The following DIPK1A variants were observed in gnomAD, a reference collection of about 807,000 sequenced individuals.
DIPK1A encodes family with sequence similarity 69 member A.
A neutral mutation model predicts 40.8 loss-of-function variants in DIPK1A; 27 were observed. That is an observed-to-expected ratio of 0.66 (90% CI 0.49 to 0.91). The LOEUF is 0.91. Ranked by LOEUF, DIPK1A falls within the 40% of genes least tolerant of loss-of-function variation. The probability of loss-of-function intolerance (pLI) is 0.00; values close to 1 mark genes in which losing one functional copy is unlikely to be tolerated. For synonymous variants in DIPK1A, 166 were observed against 171.3 expected, an observed-to-expected ratio of 0.97 and a Z score of 0.24; for missense variants, 412 against 505.7, an observed-to-expected ratio of 0.81 and a Z score of 1.78.
intron 4 of DIPK1A, among the ~76,000 whole-genome samples, chr1:92,845,781 G>A (rs920452999): frequency 6.6e-6 from 1 of 151,582 alleles, no homozygotes; most frequent in African/African-American, 2.4e-5. Flanking sequence ...GTTGCAGTGA[G>A]CTGAGACCAT....
chr1:92,859,141 G>T (rs1688085684), intron 2 of DIPK1A, among the ~76,000 whole-genome samples: 1 of 152,120 alleles, frequency 6.6e-6, no homozygotes, highest in African/African-American at 2.4e-5. Flanking sequence ...ACAATGAACA[G>T]ATGTATACTA....
intron 4 of DIPK1A, among the ~76,000 whole-genome samples, 157 bp from the exon 5 acceptor site, chr1:92,844,352 A>G (rs959767547): frequency 6.6e-6 from 1 of 152,228 alleles, no homozygotes; most frequent in African/African-American, 2.4e-5. Flanking sequence ...AATATTTATG[A>G]TACTTCCTAA....
intron 1 of DIPK1A, among the ~76,000 whole-genome samples, chr1:92,960,194 C>A (rs1652015583): frequency 6.6e-6 from 1 of 151,940 alleles, no homozygotes; most frequent in Non-Finnish European, 1.5e-5. Context: ...CAGTTTTATT[C>A]GTACACGCTT....
At chr1:92,853,724 T>C (rs1440009736) in intron 2 of DIPK1A, among the ~76,000 whole-genome samples, 1 of 152,152 alleles carries the variant, frequency 6.6e-6, no homozygotes, top group African/African-American at 2.4e-5. Context: ...TTTGAACACA[T>C]AAGGTTCAGA....
At chr1:92,935,684 G>T (rs1320778084) in intron 1 of DIPK1A, among the ~76,000 whole-genome samples, 1 of 151,436 alleles carries the variant, frequency 6.6e-6, no homozygotes, top group Non-Finnish European at 1.5e-5. Flanking sequence ...ACAACTCAAG[G>T]ATAAGATCTT....
At chr1:92,941,762 G>A (rs1456583865) in intron 1 of DIPK1A, among the ~76,000 whole-genome samples, 3 of 152,032 alleles carry the variant, frequency 2.0e-5, no homozygotes, top group African/African-American at 4.8e-5. Flanking sequence ...AAACTACATC[G>A]GGAATTCAAA....
chr1:92,928,437 T>A (rs1325412032), intron 1 of DIPK1A, among the ~76,000 whole-genome samples: 1 of 152,198 alleles, frequency 6.6e-6, no homozygotes, highest in African/African-American at 2.4e-5. Context: ...TAATCTATAG[T>A]CTTTCAAATT....
chr1:92,847,371 A>G lies in DIPK1A; in HGVS notation c.298-12T>C. 2 of 1,585,046 alleles carry G rather than the reference A, an allele frequency of 1.3e-6. No individual in the cohort carries two copies. Among genetic ancestry groups the G allele is most frequent in the South Asian group, 1.2e-5 (1 of 86,564 alleles). ...ATCCCTAAATACATCTATGTAAAAA[A>G]GAGTGGCAAGTTATGTATTATACTG... On this transcript the variant is annotated splice_polypyrimidine_tract_variant and intron_variant, in intron 3 of 4. Transcript: ENST00000370310.
At chr1:92,941,321 G>A (rs1651144022) in intron 1 of DIPK1A, among the ~76,000 whole-genome samples, 1 of 152,134 alleles carries the variant, frequency 6.6e-6, no homozygotes, top group Admixed American at 6.5e-5. Flanking sequence ...AAGTCTTGTT[G>A]TAGCAATTAT....
chr1:92,892,811 C>G (rs950374753), intron 1 of DIPK1A, among the ~76,000 whole-genome samples: 3 of 84,436 alleles, frequency 3.6e-5, no homozygotes, highest in African/African-American at 4.9e-5. Context: ...CTTAAAGGAC[C>G]TGATGGAGCT....
At chr1:92,960,886 G>C (rs1290579345) in intron 1 of DIPK1A, among the ~76,000 whole-genome samples, 1 of 152,218 alleles carries the variant, frequency 6.6e-6, no homozygotes, top group African/African-American at 2.4e-5. Flanking sequence ...AATTTTCTAA[G>C]ACACGGAGGA....
At chr1:92,940,987 A>G (rs1376858494) in intron 1 of DIPK1A, among the ~76,000 whole-genome samples, 1 of 151,724 alleles carries the variant, frequency 6.6e-6, no homozygotes, top group African/African-American at 2.4e-5. Flanking sequence ...CTGAGTTTTG[A>G]GAGTTCTTTG....
At chr1:92,842,082 G>T, downstream of DIPK1A, 1 of 800,732 alleles carries the variant, frequency 1.2e-6, no homozygotes. Flanking sequence ...TGTTTTACCT[G>T]ACAGGAGTCA....
chr1:92,908,895 G>T (rs923216824), intron 1 of DIPK1A, among the ~76,000 whole-genome samples: 3 of 152,112 alleles, frequency 2.0e-5, no homozygotes, highest in African/African-American at 4.8e-5. Context: ...GGGTGGGGAG[G>T]TGGGACAGCT....
intron 2 of DIPK1A, among the ~76,000 whole-genome samples, chr1:92,866,909 C>A (rs975512255): frequency 2.0e-5 from 3 of 152,178 alleles, no homozygotes; most frequent in African/African-American, 7.2e-5. Context: ...CTCTTTATAT[C>A]ACTTTTGCTT....
At chr1:92,896,519 G>T (rs1415048700) in intron 1 of DIPK1A, among the ~76,000 whole-genome samples, 1 of 151,722 alleles carries the variant, frequency 6.6e-6, no homozygotes, top group African/African-American at 2.4e-5. Context: ...ATGGATTAAA[G>T]ACTTAAATGT....
In DIPK1A at chr1:92,842,684, AG is replaced by A; in HGVS notation, c.*698del. The A allele has an allele frequency of 1.0e-6, 1 of 985,430 alleles. No individual in the cohort carries two copies. The highest frequency in any genetic ancestry group is 1.2e-6 in the Non-Finnish European group (1 of 829,934). 61.0% of individuals were successfully genotyped at this position (985,430 alleles called of 1,614,324 possible). On this transcript the variant is annotated 3_prime_UTR_variant, in exon 5 of 5. Transcript: ENST00000370310. The stretch of plus-strand genomic sequence containing the variant: ...TTGGGCCTTAAGATGTCAGTTTTGA[AG>A]GGCTCAGTCAGCTGCGTGATACTAA...
intron 2 of DIPK1A, among the ~76,000 whole-genome samples, chr1:92,864,876 C>A (rs1435245690): frequency 6.6e-6 from 1 of 151,804 alleles, no homozygotes; most frequent in African/African-American, 2.4e-5. Context: ...CCTGTCTCTA[C>A]TAAAAATACA....
intron 1 of DIPK1A, among the ~76,000 whole-genome samples, chr1:92,954,833 T>C (rs1244676102): frequency 1.3e-5 from 2 of 152,132 alleles, no homozygotes; most frequent in Non-Finnish European, 2.9e-5. Context: ...AAAATAATAC[T>C]ATAATCCATC....
Sources: allele counts gnomAD v4.1 joint callset (sites outside exome capture counted in the v4.1 genomes callset), GRCh38; gene constraint gnomAD v4.1.1; transcripts MANE v1.5; gene names NCBI Gene and HGNC (gene_info 2026-07-23, HGNC 2026-07-21).